SDCCAG8: variants seen among roughly 807,000 people sequenced by gnomAD.
The protein encoded by SDCCAG8 is SHH signaling and ciliogenesis regulator SDCCAG8, also known as serologically defined colon cancer antigen 8.
SDCCAG8 carries 74 observed loss-of-function variants against 101.8 expected under a neutral mutation model. The ratio of observed to expected loss-of-function variants is 0.73; its 90% CI spans 0.60 to 0.88. SDCCAG8 has a LOEUF of 0.88. Among genes scored for constraint, SDCCAG8 ranks in the 40% least tolerant of loss-of-function variants. SDCCAG8 has a pLI of 0.00. For synonymous variants in SDCCAG8, 281 were observed against 292.9 expected, an observed-to-expected ratio of 0.96 and a Z score of 0.41; for missense variants, 787 against 822.6, an observed-to-expected ratio of 0.96 and a Z score of 0.53.
At chr1:243,471,635 G>A (rs1183275176) in intron 16 of SDCCAG8, among the ~76,000 whole-genome samples, 1 of 152,104 alleles carries the variant, frequency 6.6e-6, no homozygotes, top group African/African-American at 2.4e-5. Context: ...GGAGGATGAT[G>A]TATCCACCCA....
intron 6 of SDCCAG8, among the ~76,000 whole-genome samples, chr1:243,301,174 A>G (rs948706698): frequency 7.2e-5 from 11 of 152,222 alleles, no homozygotes; most frequent in African/African-American, 2.4e-4. Flanking sequence ...ATAACAGCAT[A>G]AAGTAAAATG....
At chr1:243,434,676 T>C (rs1317743411) in intron 16 of SDCCAG8, among the ~76,000 whole-genome samples, 1 of 152,190 alleles carries the variant, frequency 6.6e-6, no homozygotes, top group Non-Finnish European at 1.5e-5. Flanking sequence ...AAACAGTCCC[T>C]TTGTAATGAG....
intron 16 of SDCCAG8, among the ~76,000 whole-genome samples, chr1:243,449,907 A>G (rs2083227633): frequency 6.6e-6 from 1 of 152,310 alleles, no homozygotes; most frequent in Admixed American, 6.5e-5. Context: ...TTTCCACTTC[A>G]ATAAATGGCT....
intron 12 of SDCCAG8, among the ~76,000 whole-genome samples, chr1:243,375,104 A>T (rs1256176795): frequency 6.6e-6 from 1 of 152,168 alleles, no homozygotes; most frequent in African/African-American, 2.4e-5. Flanking sequence ...GCTTTAACCA[A>T]AATCATTATA....
chr1:243,366,723 T>C (rs896777460), intron 12 of SDCCAG8, among the ~76,000 whole-genome samples: 4 of 152,076 alleles, frequency 2.6e-5, no homozygotes, highest in Non-Finnish European at 5.9e-5. Flanking sequence ...GCACTTGTTT[T>C]TTATCAAAAT....
intron 13 of SDCCAG8, among the ~76,000 whole-genome samples, chr1:243,387,780 G>A (rs1030816990): frequency 6.6e-6 from 1 of 152,086 alleles, no homozygotes; most frequent in Non-Finnish European, 1.5e-5. Flanking sequence ...CAGTGGTGTG[G>A]TCTTGGCTCA....
At chr1:243,276,591 A>C (rs1423482360) in intron 4 of SDCCAG8, among the ~76,000 whole-genome samples, 1 of 152,190 alleles carries the variant, frequency 6.6e-6, no homozygotes, top group African/African-American at 2.4e-5. Flanking sequence ...TGTTATTAAC[A>C]TCTTGCATCA....
At chr1:243,279,314 A>C (rs547794224) in intron 4 of SDCCAG8, among the ~76,000 whole-genome samples, 2 of 152,298 alleles carry the variant, frequency 1.3e-5, no homozygotes, top group African/African-American at 2.4e-5. Flanking sequence ...TCTCGACTTA[A>C]AATGGGATTG....
At chr1:243,385,146 T>TG (rs1436535821) in intron 13 of SDCCAG8, among the ~76,000 whole-genome samples, 1 of 152,108 alleles carries the variant, frequency 6.6e-6, no homozygotes, top group Non-Finnish European at 1.5e-5. Flanking sequence ...CCCAGGACTT[T>TG]GGGAGGCTGA....
intron 13 of SDCCAG8, among the ~76,000 whole-genome samples, chr1:243,388,936 G>A (rs1375150976): frequency 6.7e-6 from 1 of 149,430 alleles, no homozygotes; most frequent in East Asian, 2.0e-4. Context: ...TATTTGGGAA[G>A]CTACGTGGTG....
chr1:243,312,721 A>AAT (rs1449127112), intron 8 of SDCCAG8, among the ~76,000 whole-genome samples: 2 of 151,820 alleles, frequency 1.3e-5, no homozygotes, highest in African/African-American at 2.4e-5. Flanking sequence ...AAAAAAAAAA[A>AAT]AAAATAATGG....
chr1:243,425,262 C>CA (rs1158666307), intron 15 of SDCCAG8, among the ~76,000 whole-genome samples: 1 of 152,030 alleles, frequency 6.6e-6, no homozygotes, highest in Non-Finnish European at 1.5e-5. Flanking sequence ...GAGGTAGCTT[C>CA]AAAAAACGTG....
intron 4 of SDCCAG8, among the ~76,000 whole-genome samples, chr1:243,278,364 G>T (rs1230200238): frequency 6.6e-6 from 1 of 152,100 alleles, no homozygotes. Context: ...GGGACTACAG[G>T]TGTGTGCCAC....
intron 12 of SDCCAG8, among the ~76,000 whole-genome samples, chr1:243,347,661 A>T (rs549676987): frequency 6.6e-6 from 1 of 152,358 alleles, no homozygotes; most frequent in East Asian, 1.9e-4. Context: ...ATCATATCCC[A>T]AAAGGAGCTT....
chr1:243,397,484 G>A (rs942899365), intron 13 of SDCCAG8, among the ~76,000 whole-genome samples: 1 of 152,160 alleles, frequency 6.6e-6, no homozygotes, highest in South Asian at 2.1e-4. Flanking sequence ...TAAAGTGAAG[G>A]TTAACGTTCC....
chr1:243,366,205 T>A (rs2076982514), intron 12 of SDCCAG8, among the ~76,000 whole-genome samples: 1 of 152,050 alleles, frequency 6.6e-6, no homozygotes, highest in Non-Finnish European at 1.5e-5. Context: ...ATATTTTCAG[T>A]TCATTTAAAT....
chr1:243,498,630 T>G (rs143042334), intron 17 of SDCCAG8, among the ~76,000 whole-genome samples: 1 of 152,366 alleles, frequency 6.6e-6, no homozygotes, highest in East Asian at 1.9e-4. Context: ...ACATTACTTT[T>G]TCTCATTTTT....
chr1:243,297,660 T>G (rs2071064263), intron 6 of SDCCAG8, among the ~76,000 whole-genome samples: 1 of 152,242 alleles, frequency 6.6e-6, no homozygotes, highest in Non-Finnish European at 1.5e-5. Flanking sequence ...ATCTTGTGAT[T>G]TTCATTTGCA....
At position 243,316,697 on chromosome 1, in the gene SDCCAG8, T is replaced by A. The variant is rs995846717; in HGVS notation, c.930-58T>A. On this transcript the variant is annotated intron_variant, in intron 8 of 17. Transcript: ENST00000366541. ...TATTAATGCTTTTCTCTCCCTGACT[T>A]ATGAGGACAGGATCGTTTGATCATT... 3 of 1,608,750 alleles carry A rather than the reference T, an allele frequency of 1.9e-6. No homozygotes were observed. The African/African-American group carries it at 4.0e-5, about 22-fold the overall frequency.
Sources: allele counts gnomAD v4.1 joint callset (sites outside exome capture counted in the v4.1 genomes callset), GRCh38; gene constraint gnomAD v4.1.1; transcripts MANE v1.5; gene names NCBI Gene and HGNC (gene_info 2026-07-23, HGNC 2026-07-21).